The following PDS5A variants were observed in gnomAD, a reference collection of about 807,000 sequenced individuals.
PDS5A encodes the protein PDS5 cohesin associated factor A.
A neutral mutation model predicts 167.1 loss-of-function variants in PDS5A; 42 were observed. The observed-to-expected ratio is 0.25, with a 90% confidence interval of 0.20 to 0.33. PDS5A has a LOEUF of 0.33. Among genes scored for constraint, PDS5A ranks in the 10% least tolerant of loss-of-function variants. The pLI is 1.00. For synonymous variants in PDS5A, 553 were observed against 554.6 expected, an observed-to-expected ratio of 1.00 and a Z score of 0.04; for missense variants, 1,033 against 1,605.9, an observed-to-expected ratio of 0.64 and a Z score of 6.10.
At chr4:39,916,917 T>C (rs1724445325) in intron 8 of PDS5A, 131 bp downstream of exon 8, 1 of 484,158 alleles carries the variant, frequency 2.1e-6, no homozygotes, top group Non-Finnish European at 3.6e-6. Context: ...TCTTCTACAG[T>C]TACAGAAAAA....
At chr4:39,971,435 C>T (rs955537025) in intron 2 of PDS5A, among the ~76,000 whole-genome samples, 1 of 151,798 alleles carries the variant, frequency 6.6e-6, no homozygotes, top group African/African-American at 2.4e-5. Flanking sequence ...AGATTACAGG[C>T]GTGAGCCACC....
chr4:39,854,968 G>T (rs1302910448), intron 26 of PDS5A, among the ~76,000 whole-genome samples: 4 of 152,116 alleles, frequency 2.6e-5, no homozygotes, highest in African/African-American at 9.6e-5. Context: ...AAAGGAGAAA[G>T]GTAATTATTA....
intron 26 of PDS5A, among the ~76,000 whole-genome samples, chr4:39,851,712 T>C (rs1210304919): frequency 6.6e-6 from 1 of 152,206 alleles, no homozygotes; most frequent in Non-Finnish European, 1.5e-5. Context: ...ATAAATATAA[T>C]AAACATTATC....
At chr4:39,828,827 A>G (rs1715553127) in intron 32 of PDS5A, among the ~76,000 whole-genome samples, 1 of 152,212 alleles carries the variant, frequency 6.6e-6, no homozygotes, top group African/African-American at 2.4e-5. Flanking sequence ...ATTACTGCAG[A>G]GTTGTGAACA....
chr4:39,830,130 T>C (rs975219266), intron 32 of PDS5A, among the ~76,000 whole-genome samples: 35 of 152,106 alleles, frequency 2.3e-4, no homozygotes, highest in African/African-American at 8.0e-4. Flanking sequence ...TATGCTCATA[T>C]AGTGTGATAC....
intron 30 of PDS5A, 94 bp from the exon 31 acceptor site, chr4:39,842,150 G>C (rs1717090176): frequency 1.4e-6 from 1 of 730,996 alleles, no homozygotes; most frequent in Non-Finnish European, 2.4e-6. Context: ...GGCTGGTTTC[G>C]AAACCTTGAC....
chr4:39,938,914 G>A (rs1267607917), intron 2 of PDS5A, among the ~76,000 whole-genome samples: 1 of 151,730 alleles, frequency 6.6e-6, no homozygotes, highest in Non-Finnish European at 1.5e-5. Flanking sequence ...AGGTTGCAGT[G>A]AGCCAAGATC....
chr4:39,948,210 C>CAAAAAAA (rs35177594), intron 2 of PDS5A, among the ~76,000 whole-genome samples: 14 of 96,422 alleles, frequency 1.5e-4, no homozygotes, highest in African/African-American at 1.6e-4. Flanking sequence ...TATCCCGTCT[C>CAAAAAAA]AAAAAAAAAA....
At chr4:39,889,224 C>T (rs1721760970) in intron 17 of PDS5A, among the ~76,000 whole-genome samples, 1 of 152,164 alleles carries the variant, frequency 6.6e-6, no homozygotes, top group Non-Finnish European at 1.5e-5. Context: ...GAAAAGACCA[C>T]AAGAGGACAC....
chr4:39,908,732 C>T (rs1317040027), intron 10 of PDS5A, 192 bp from the exon 11 acceptor site: 2 of 554,544 alleles, frequency 3.6e-6, no homozygotes, highest in Admixed American at 6.5e-5. Flanking sequence ...GCACTTTAAA[C>T]TCCCAAGTTG....
intron 1 of PDS5A, 111 bp from the exon 2 acceptor site, chr4:39,976,728 A>C: frequency 1.9e-6 from 1 of 534,928 alleles, no homozygotes; most frequent in Non-Finnish European, 3.1e-6. Context: ...GAGGCCGGGG[A>C]CCCGGCAGCG....
chr4:39,865,759 C>T (rs1719389630), intron 23 of PDS5A, among the ~76,000 whole-genome samples: 1 of 152,220 alleles, frequency 6.6e-6, no homozygotes, highest in South Asian at 2.1e-4. Context: ...ACTTGGCCTA[C>T]CAAAGTGCTG....
intron 16 of PDS5A, among the ~76,000 whole-genome samples, chr4:39,891,685 T>C (rs1721981304): frequency 1.3e-5 from 2 of 152,038 alleles, no homozygotes; most frequent in South Asian, 2.1e-4. Context: ...TATATATATA[T>C]ATACTTGCAA....
intron 26 of PDS5A, among the ~76,000 whole-genome samples, chr4:39,851,735 T>G (rs1718141595): frequency 6.6e-6 from 1 of 152,214 alleles, no homozygotes. Flanking sequence ...AGCAACTATA[T>G]ACTAAACAAA....
Position 39,922,685 on chromosome 4 carries a change from T to C in PDS5A, c.591A>G (p.Glu197=), listed in dbSNP as rs781611681. The part of the protein sequence containing the change: ...MLDLMSSIIM[E]GDGVTQELLD... The stretch of plus-strand genomic sequence containing the variant: ...ATAATTCTTGAGTAACTCCATCACC[T>C]TCCATGATGATAGAACTCATCAAAT... Residue 197 remains glutamate (E), a synonymous_variant, in exon 6 of 33, where the codon GAA becomes GAG. Transcript: ENST00000303538. 156 of 1,603,574 alleles carry C rather than the reference T, an allele frequency of 9.7e-5. No individual in the cohort carries two copies. The highest frequency in any genetic ancestry group is 1.3e-4 in the Non-Finnish European group (149 of 1,174,772).
chr4:39,908,683 A>G, intron 10 of PDS5A, 143 bp from the exon 11 acceptor site: 1 of 621,248 alleles, frequency 1.6e-6, no homozygotes, highest in South Asian at 2.0e-5. Context: ...AAATCATGTT[A>G]TTTTTACAGC....
intron 5 of PDS5A, 37 bp downstream of exon 5, chr4:39,925,797 GAA>G (rs774640074): frequency 5.1e-6 from 4 of 791,690 alleles, no homozygotes; most frequent in Non-Finnish European, 8.0e-6. Context: ...ACATAATCAA[GAA>G]AAAGAGACAA....
At chr4:39,829,861 G>C (rs1715670503) in intron 32 of PDS5A, among the ~76,000 whole-genome samples, 1 of 141,044 alleles carries the variant, frequency 7.1e-6, no homozygotes. Flanking sequence ...TGAGGCAGGA[G>C]AATGGCGTGA....
At position 39,975,106 on chromosome 4, in the gene PDS5A, C is replaced by CAA. The variant is rs57418654; in HGVS notation, c.138+1332_138+1333dup. On this transcript the variant is annotated intron_variant, in intron 2 of 32. Transcript: ENST00000303538. ...TAGGTGACAGAGCAAGACTCCGTCT[C>CAA]AAAAAAAAAAAAAAAAAAAAAATTT... Among the ~76,000 whole-genome samples, 649 of 85,152 alleles carry CAA rather than the reference C, an allele frequency of 7.6e-3. 5 individuals are homozygous for CAA. Among genetic ancestry groups the CAA allele is most frequent in the Middle Eastern group, 0.012 (2 of 164 alleles). The allele number at this position is 85,152 out of a possible 152,430, so 55.9% of individuals were successfully genotyped here.
Sources: gnomAD v4.1 joint callset for allele counts (sites outside exome capture counted in the v4.1 genomes callset) on GRCh38, gnomAD v4.1.1 for gene constraint, MANE v1.5 for transcripts, NCBI Gene and HGNC (gene_info 2026-07-23, HGNC 2026-07-21) for gene names.